The following LARS1 variants were observed in gnomAD, a reference collection of about 807,000 sequenced individuals.
The protein encoded by LARS1 is leucyl-tRNA synthetase 1.
LARS1 carries 100 observed loss-of-function variants against 162.8 expected under a neutral mutation model. The ratio of observed to expected loss-of-function variants is 0.61; its 90% CI spans 0.52 to 0.73. The LOEUF is 0.73. Among genes scored for constraint, LARS1 ranks in the 30% least tolerant of loss-of-function variants. The probability of loss-of-function intolerance (pLI) is 0.00; values close to 1 mark genes in which losing one functional copy is unlikely to be tolerated. For missense variants in LARS1, 1,258 were observed against 1,408.9 expected (o/e 0.89, Z 1.71); for synonymous variants, 457 against 462.8 (o/e 0.99, Z 0.16).
At chr5:146,135,930 T>C (rs1273588193) in intron 21 of LARS1, among the ~76,000 whole-genome samples, 1 of 152,234 alleles carries the variant, frequency 6.6e-6, no homozygotes, top group African/African-American at 2.4e-5. Flanking sequence ...ATTTAGCCTA[T>C]ACTGTCTGGG....
At chr5:146,146,915 T>C (rs1033786700) in intron 15 of LARS1, among the ~76,000 whole-genome samples, 2 of 151,958 alleles carry the variant, frequency 1.3e-5, no homozygotes, top group East Asian at 3.9e-4. Context: ...GATTTCACTA[T>C]GTTGGCCAGG....
At position 146,124,781 on chromosome 5, in the gene LARS1, A is replaced by G. The variant is rs561737723; in HGVS notation, c.2992-695T>C. ...TTCCTGCTACTCACTGTTTTCGCTTACTATGCAAGTTCTATTTCTTTTTCT... is the reference window on the plus strand; with the variant it reads ...TTCCTGCTACTCACTGTTTTCGCTTGCTATGCAAGTTCTATTTCTTTTTCT... On this transcript the variant is annotated intron_variant, in intron 28 of 31. Transcript: ENST00000394434. Among the ~76,000 whole-genome samples the G allele has an allele frequency of 3.9e-5, 6 of 152,028 alleles. No individual in the cohort carries two copies. In the East Asian group the frequency reaches 1.2e-3, roughly 29 times the overall value.
In LARS1 at chr5:146,113,532, G is replaced by A. The variant is rs1764067605; in HGVS notation, c.*574C>T. The A allele has an allele frequency of 6.6e-6, 1 of 152,220 alleles. No homozygotes were observed. The highest frequency in any genetic ancestry group is 2.1e-4 in the South Asian group (1 of 4,826). The allele number at this position is 152,220 out of a possible 1,614,324, so 9.4% of individuals were successfully genotyped here. A position where few individuals can be genotyped will look rare whatever the true frequency, so the allele number is the denominator to read the frequency against. ...AAGAAGCCATTATTGGTTCTTAGTT[G>A]AATAATTAAAGCTTTAAAAAGTCTT... On this transcript the variant is annotated 3_prime_UTR_variant, in exon 32 of 32. Coordinates refer to ENST00000394434, the MANE Select transcript of LARS1 (RefSeq NM_020117.11).
Position 146,120,352 on chromosome 5 carries a change from GT to G in LARS1, c.3325+18del. ...ATCTACAAGCTACTGACAAATGGGA[GT>G]TTTGGGGAACAACTTACCTTTAATT... On this transcript the variant is annotated intron_variant, in intron 31 of 31. Coordinates refer to ENST00000394434, the MANE Select transcript of LARS1 (RefSeq NM_020117.11). 1 of 1,612,144 alleles carries G rather than the reference GT, an allele frequency of 6.2e-7. No individual in the cohort carries two copies. The highest frequency in any genetic ancestry group is 8.5e-7 in the Non-Finnish European group (1 of 1,178,622).
intron 2 of LARS1, among the ~76,000 whole-genome samples, chr5:146,173,525 C>A (rs1003662404): frequency 1.3e-5 from 2 of 149,910 alleles, no homozygotes; most frequent in African/African-American, 2.5e-5. Flanking sequence ...TCACTTTAAA[C>A]GCATCCTTTA....
chr5:146,146,097 G>A (rs1031383681), intron 15 of LARS1, among the ~76,000 whole-genome samples: 2 of 152,170 alleles, frequency 1.3e-5, no homozygotes, highest in African/African-American at 4.8e-5. Flanking sequence ...GGGCGTGGTG[G>A]CTCACGCCTG....
chr5:146,160,466 G>C lies in LARS1; in HGVS notation c.615C>G (p.Phe205Leu). The C allele has an allele frequency of 6.4e-7, 1 of 1,557,756 alleles. No individual in the cohort carries two copies. Among genetic ancestry groups the C allele is most frequent in the Non-Finnish European group, 8.7e-7 (1 of 1,155,276 alleles). ...AGTAAGGATTAACATCAGTGGTGATGAAGGAACGACGCCAGTCTACCTATA... is the reference window on the plus strand; with the variant it reads ...AGTAAGGATTAACATCAGTGGTGATCAAGGAACGACGCCAGTCTACCTATA... ...MGLKVDWRRS[F>L]ITTDVNPYYD... Residue 205 changes from phenylalanine (F) to leucine (L), a missense_variant, in exon 7 of 32, where the codon TTC (phenylalanine) becomes TTG (leucine). Phe to Leu is a conservative substitution (Grantham distance 22). Transcript: ENST00000394434.
chr5:146,163,977 G>C (rs58640165), intron 6 of LARS1, among the ~76,000 whole-genome samples: 4,414 of 152,272 alleles, frequency 0.029, 224 homozygotes, highest in African/African-American at 0.1. Flanking sequence ...GGAGCAGTCA[G>C]AACACAAACA....
intron 23 of LARS1, 36 bp from the exon 24 acceptor site, chr5:146,131,145 A>G (rs769406430): frequency 9.2e-7 from 1 of 1,092,248 alleles, no homozygotes; most frequent in Non-Finnish European, 1.3e-6. Context: ...TATTGAGTTT[A>G]AAGGCACTTA....
At chr5:146,135,292 C>T (rs753007170) in intron 22 of LARS1, among the ~76,000 whole-genome samples, 6 of 151,764 alleles carry the variant, frequency 4.0e-5, no homozygotes, top group African/African-American at 7.3e-5. Flanking sequence ...GCTGGGATTA[C>T]AGGCGTGAGC....
chr5:146,161,952 G>A (rs1165390591), intron 6 of LARS1, among the ~76,000 whole-genome samples: 1 of 152,164 alleles, frequency 6.6e-6, no homozygotes, highest in Non-Finnish European at 1.5e-5. Flanking sequence ...GTTTTCTCAT[G>A]AGATTATAGC....
chr5:146,176,252 G>C (rs1360268257), intron 2 of LARS1, among the ~76,000 whole-genome samples: 2 of 151,910 alleles, frequency 1.3e-5, no homozygotes, highest in Non-Finnish European at 2.9e-5. Flanking sequence ...AGGAAATCGA[G>C]ACCATCCTGG....
chr5:146,160,841 T>C (rs1317763737), intron 6 of LARS1, among the ~76,000 whole-genome samples: 2 of 152,196 alleles, frequency 1.3e-5, no homozygotes, highest in East Asian at 3.8e-4. Flanking sequence ...ATATACATTC[T>C]AATTCAACAA....
chr5:146,144,731 T>A, intron 15 of LARS1, 22 bp from the exon 16 acceptor site: 1 of 1,566,846 alleles, frequency 6.4e-7, no homozygotes, highest in Non-Finnish European at 8.8e-7. Context: ...TAAATAAACA[T>A]ACATTAGATA....
At chr5:146,140,300 C>T (rs533334749) in intron 20 of LARS1, 39 bp from the exon 21 acceptor site, 1 of 1,534,358 alleles carries the variant, frequency 6.5e-7, no homozygotes, top group Non-Finnish European at 9.0e-7. Context: ...AATAAAAAAA[C>T]AAAGATGATA....
intron 8 of LARS1, among the ~76,000 whole-genome samples, 155 bp downstream of exon 8, chr5:146,159,252 C>G (rs1753667969): frequency 6.6e-6 from 1 of 152,150 alleles, no homozygotes; most frequent in Admixed American, 6.6e-5. Context: ...ATACAGGTAC[C>G]TGTATTGATA....
At chr5:146,165,984 T>A (rs2126561653) in intron 5 of LARS1, among the ~76,000 whole-genome samples, 1 of 152,286 alleles carries the variant, frequency 6.6e-6, no homozygotes, top group African/African-American at 2.4e-5. Context: ...ACTTGTTTTT[T>A]AATAAACATT....
In LARS1 at chr5:146,153,813, T is replaced by C. The variant is rs1164299721; in HGVS notation, c.1154-3A>G. 3 of 1,613,808 alleles carry C rather than the reference T, an allele frequency of 1.9e-6. No homozygotes were observed. The highest frequency in any genetic ancestry group is 2.5e-6 in the Non-Finnish European group (3 of 1,179,740). On this transcript the variant is annotated splice_region_variant and splice_polypyrimidine_tract_variant and intron_variant, in intron 11 of 31. Coordinates refer to ENST00000394434, the MANE Select transcript of LARS1 (RefSeq NM_020117.11). The stretch of plus-strand genomic sequence containing the variant: ...AACACTTGTAACCACACCAGTGCCT[T>C]AGAAAACAAAGTGTGGAATTAATAA...
chr5:146,128,503 C>T (rs952241500), intron 27 of LARS1, among the ~76,000 whole-genome samples, 169 bp downstream of exon 27: 1 of 151,778 alleles, frequency 6.6e-6, no homozygotes, highest in African/African-American at 2.4e-5. Flanking sequence ...TTTCCCTCAG[C>T]ATCCATTTAA....
Sources: gnomAD v4.1 joint callset for allele counts (sites outside exome capture counted in the v4.1 genomes callset) on GRCh38, gnomAD v4.1.1 for gene constraint, MANE v1.5 for transcripts, NCBI Gene and HGNC (gene_info 2026-07-23, HGNC 2026-07-21) for gene names.